The following MARCHF6 variants were observed in gnomAD, a reference collection of about 807,000 sequenced individuals.
MARCHF6 encodes the protein E3 ubiquitin-protein ligase MARCHF6.
MARCHF6 carries 31 observed loss-of-function variants against 133.7 expected under a neutral mutation model. The ratio of observed to expected loss-of-function variants is 0.23; its 90% CI spans 0.17 to 0.31. The LOEUF (loss-of-function observed/expected upper bound fraction) is 0.31. MARCHF6 is among the 10% of genes least tolerant of loss of function. MARCHF6 has a pLI of 1.00. For missense variants in MARCHF6, 723 were observed against 1,121.6 expected (o/e 0.64, Z 5.08); for synonymous variants, 395 against 402.5 (o/e 0.98, Z 0.22).
Position 10,423,835 on chromosome 5 carries a change from TC to T in MARCHF6, c.2373+12del. ...ACTGTAATTGAACAGGTAAGCAAAA[TC>T]AGTTTTCAGAGAAAGACATTCTGGA... On this transcript the variant is annotated intron_variant, in intron 23 of 25. Transcript: ENST00000274140. 3 of 1,590,180 alleles carry T rather than the reference TC, an allele frequency of 1.9e-6. No individual in the cohort carries two copies. The highest frequency in any genetic ancestry group is 2.6e-6 in the Non-Finnish European group (3 of 1,160,612).
At chr5:10,357,896 G>A (rs538347173) in intron 1 of MARCHF6, among the ~76,000 whole-genome samples, 2 of 151,814 alleles carry the variant, frequency 1.3e-5, no homozygotes, top group South Asian at 4.2e-4. Flanking sequence ...TAACTAGAAG[G>A]TTATAAACGC....
rs1329092708 is a variant in MARCHF6 at position 10,436,214 on chromosome 5, A to G, written c.*2530A>G. 6.6e-6 allele frequency: 1 copy of G among 152,194 alleles called. No homozygotes were observed. The highest frequency in any genetic ancestry group is 1.5e-5 in the Non-Finnish European group (1 of 68,036). 9.4% of individuals were successfully genotyped at this position (152,194 alleles called of 1,614,324 possible). A position where few individuals can be genotyped will look rare whatever the true frequency, so the allele number is the denominator to read the frequency against. ...AATGAATCTTATCAATGTTTTGTAA[A>G]CAAACAATATGAATGGCCAAAAAAT... On this transcript the variant is annotated 3_prime_UTR_variant, in exon 26 of 26. Transcript: ENST00000274140.
At chr5:10,371,529 G>T (rs1333318229) in intron 1 of MARCHF6, among the ~76,000 whole-genome samples, 1 of 152,096 alleles carries the variant, frequency 6.6e-6, no homozygotes, top group Non-Finnish European at 1.5e-5. Context: ...GCTTGTGTGG[G>T]GGAACTCCTG....
chr5:10,386,483 T>C (rs1350704480), intron 4 of MARCHF6, among the ~76,000 whole-genome samples: 2 of 152,254 alleles, frequency 1.3e-5, no homozygotes, highest in African/African-American at 4.8e-5. Context: ...AGAATAATTA[T>C]ATTCTGTATT....
intron 1 of MARCHF6, among the ~76,000 whole-genome samples, chr5:10,358,620 TG>T (rs1482197544): frequency 2.0e-5 from 3 of 152,182 alleles, no homozygotes; most frequent in South Asian, 4.1e-4. Flanking sequence ...TTGAACAACA[TG>T]GGTTTTTGAA....
chr5:10,353,753 T>C lies in MARCHF6; in HGVS notation c.-146T>C. On this transcript the variant is annotated 5_prime_UTR_variant, in exon 1 of 26. Transcript: ENST00000274140. Reference sequence around the variant, plus strand: ...TTCTGTCAGCCTCTCTCCCTCTCCCTCTCCCCTCTCCTTCCTCTCGCTTCC... The same window carrying C: ...TTCTGTCAGCCTCTCTCCCTCTCCCCCTCCCCTCTCCTTCCTCTCGCTTCC... The C allele has an allele frequency of 2.8e-6, 1 of 357,414 alleles. No homozygotes were observed. The highest frequency in any genetic ancestry group is 5.3e-6 in the Non-Finnish European group (1 of 187,404). The allele number at this position is 357,414 out of a possible 1,614,324, so 22.1% of individuals were successfully genotyped here. A position where few individuals can be genotyped will look rare whatever the true frequency, so the allele number is the denominator to read the frequency against.
intron 25 of MARCHF6, among the ~76,000 whole-genome samples, chr5:10,433,171 TGAGCCACCACG>T (rs113024475): frequency 6.6e-6 from 1 of 152,354 alleles, no homozygotes; most frequent in African/African-American, 2.4e-5. Flanking sequence ...ATTACAGGCG[TGAGCCACCACG>T]CCCAGCCCCT....
intron 1 of MARCHF6, among the ~76,000 whole-genome samples, chr5:10,364,669 T>C (rs1255951824): frequency 6.6e-6 from 1 of 152,226 alleles, no homozygotes. Context: ...AAGCTTGATG[T>C]TGCCCACAGC....
chr5:10,418,433 G>A (rs1318198848), intron 22 of MARCHF6, among the ~76,000 whole-genome samples: 2 of 150,608 alleles, frequency 1.3e-5, no homozygotes, highest in African/African-American at 4.9e-5. Context: ...GTAAGTCACA[G>A]CAAAGGTCTT....
chr5:10,368,337 G>A (rs967654465), intron 1 of MARCHF6, among the ~76,000 whole-genome samples: 1 of 152,182 alleles, frequency 6.6e-6, no homozygotes, highest in African/African-American at 2.4e-5. Context: ...GCATCAAAAG[G>A]TTAATCACTT....
At chr5:10,409,360 G>T (rs1358107976) in intron 17 of MARCHF6, among the ~76,000 whole-genome samples, 1 of 152,230 alleles carries the variant, frequency 6.6e-6, no homozygotes, top group African/African-American at 2.4e-5. Flanking sequence ...GTTGAGGAAA[G>T]CCCTGAAGGA....
chr5:10,378,632 A>C, intron 2 of MARCHF6, 127 bp from the exon 3 acceptor site: 2 of 616,320 alleles, frequency 3.2e-6, no homozygotes, highest in South Asian at 4.2e-5. Flanking sequence ...AGAATATTCT[A>C]AATTTGAAAA....
Position 10,426,338 on chromosome 5 carries a change from TG to T in MARCHF6, c.2374-50del, listed in dbSNP as rs1740084934. The T allele has an allele frequency of 1.0e-5, 16 of 1,592,740 alleles. No individual in the cohort carries two copies. In the South Asian group the frequency reaches 1.8e-4, roughly 18 times the overall value. On this transcript the variant is annotated intron_variant, in intron 23 of 25. Coordinates refer to ENST00000274140, the MANE Select transcript of MARCHF6 (RefSeq NM_005885.4). ...TTGTGTGGAGATTGCTGTATTAACTTGGAGGAATTTGTCTTGTATCTTTGTT... is the reference window on the plus strand; with the variant it reads ...TTGTGTGGAGATTGCTGTATTAACTTGAGGAATTTGTCTTGTATCTTTGTT...
At chr5:10,392,756 G>GA (rs558643433) in intron 7 of MARCHF6, among the ~76,000 whole-genome samples, 2,656 of 135,386 alleles carry the variant, frequency 0.02, 75 homozygotes, top group African/African-American at 0.066. Context: ...TCCGTCTCAA[G>GA]AAAAAAAAAA....
intron 11 of MARCHF6, chr5:10,401,704 G>C: frequency 3.5e-6 from 1 of 287,902 alleles, no homozygotes; most frequent in Non-Finnish European, 6.4e-6. Context: ...GACTTGGGCA[G>C]TGTGTTCCTG....
chr5:10,427,479 C>G (rs1740147084), intron 24 of MARCHF6, among the ~76,000 whole-genome samples: 1 of 152,194 alleles, frequency 6.6e-6, no homozygotes, highest in Admixed American at 6.5e-5. Flanking sequence ...CACTCCATGT[C>G]ATATACTCTG....
chr5:10,426,122 T>C (rs1328678850), intron 23 of MARCHF6, among the ~76,000 whole-genome samples: 1 of 152,238 alleles, frequency 6.6e-6, no homozygotes, highest in Non-Finnish European at 1.5e-5. Context: ...TATTGTATAG[T>C]GCAAGTAGAG....
At position 10,436,535 on chromosome 5, in the gene MARCHF6, T is replaced by C. The variant is rs968630927; in HGVS notation, c.*2851T>C. On this transcript the variant is annotated 3_prime_UTR_variant, in exon 26 of 26. Coordinates refer to ENST00000274140, the MANE Select transcript of MARCHF6 (RefSeq NM_005885.4). The stretch of plus-strand genomic sequence containing the variant: ...AATTTTATATTGGGTTAAAACAACC[T>C]TCAAGAAGGTTAACTAGGAAAGAAG... 1 of 152,156 alleles carries C rather than the reference T, an allele frequency of 6.6e-6. No individual in the cohort carries two copies. Among genetic ancestry groups the C allele is most frequent in the African/African-American group, 2.4e-5 (1 of 41,434 alleles). 9.4% of individuals were successfully genotyped at this position (152,156 alleles called of 1,614,324 possible).
At chr5:10,406,723 CT>C (rs1938915705) in intron 16 of MARCHF6, among the ~76,000 whole-genome samples, 1 of 152,092 alleles carries the variant, frequency 6.6e-6, no homozygotes, top group African/African-American at 2.4e-5. Flanking sequence ...ACATTATGTC[CT>C]TTGAAAGCTT....
Sources: gnomAD v4.1 joint callset for allele counts (sites outside exome capture counted in the v4.1 genomes callset) on GRCh38, gnomAD v4.1.1 for gene constraint, MANE v1.5 for transcripts, NCBI Gene and HGNC (gene_info 2026-07-23, HGNC 2026-07-21) for gene names.